Variants in BRINP1 observed in about 807,000 individuals in gnomAD.
BRINP1 encodes the protein BMP/retinoic acid inducible neural specific 1.
BRINP1 carries 17 observed loss-of-function variants against 72.9 expected under a neutral mutation model. The ratio of observed to expected loss-of-function variants is 0.23; its 90% CI spans 0.16 to 0.35. The LOEUF (loss-of-function observed/expected upper bound fraction) is 0.35. BRINP1 is among the 10% of genes least tolerant of loss of function. The pLI, the probability that BRINP1 is intolerant of heterozygous loss-of-function variation, is 1.00. For missense variants in BRINP1, 850 were observed against 1,001.6 expected (o/e 0.85, Z 2.04); for synonymous variants, 418 against 378.5 (o/e 1.10, Z -1.21).
intron 7 of BRINP1, among the ~76,000 whole-genome samples, chr9:119,188,034 A>T (rs1174569767): frequency 6.6e-6 from 1 of 152,232 alleles, no homozygotes; most frequent in African/African-American, 2.4e-5. Flanking sequence ...AAATTGGATA[A>T]ATTAAAAAGA....
At chr9:119,263,897 A>G (rs990659907) in intron 2 of BRINP1, among the ~76,000 whole-genome samples, 22 of 152,184 alleles carry the variant, frequency 1.4e-4, no homozygotes, top group Admixed American at 3.3e-4. Flanking sequence ...CGTGAGCCAC[A>G]GCGCCCGGCC....
At chr9:119,287,376 G>A (rs188729273) in intron 2 of BRINP1, among the ~76,000 whole-genome samples, 1 of 152,262 alleles carries the variant, frequency 6.6e-6, no homozygotes, top group Non-Finnish European at 1.5e-5. Context: ...TTGAATCCCA[G>A]TGCTTCTCAT....
intron 1 of BRINP1, among the ~76,000 whole-genome samples, chr9:119,317,949 T>C (rs1185199509): frequency 6.6e-6 from 1 of 152,236 alleles, no homozygotes; most frequent in Non-Finnish European, 1.5e-5. Flanking sequence ...CAGGATACTG[T>C]AAACATAAGT....
intron 2 of BRINP1, among the ~76,000 whole-genome samples, chr9:119,311,975 C>T (rs1831073328): frequency 6.6e-6 from 1 of 152,104 alleles, no homozygotes; most frequent in Non-Finnish European, 1.5e-5. Flanking sequence ...CTGATTTTCC[C>T]ATCTGTAGAA....
intron 1 of BRINP1, among the ~76,000 whole-genome samples, chr9:119,346,307 C>G (rs915494347): frequency 6.6e-6 from 1 of 152,042 alleles, no homozygotes; most frequent in African/African-American, 2.4e-5. Flanking sequence ...CTGTTTGATC[C>G]ATAACATCAA....
At chr9:119,242,537 A>T (rs1830263910) in intron 3 of BRINP1, among the ~76,000 whole-genome samples, 1 of 152,206 alleles carries the variant, frequency 6.6e-6, no homozygotes, top group African/African-American at 2.4e-5. Flanking sequence ...TCTCTTCTAT[A>T]CAATGGCAAA....
At chr9:119,186,241 C>A (rs1000832594) in intron 7 of BRINP1, among the ~76,000 whole-genome samples, 1 of 152,182 alleles carries the variant, frequency 6.6e-6, no homozygotes, top group Non-Finnish European at 1.5e-5. Context: ...CCTGTTGCCC[C>A]ACCCCCAGGG....
intron 3 of BRINP1, among the ~76,000 whole-genome samples, chr9:119,245,855 T>C (rs1418384665): frequency 6.6e-6 from 1 of 152,166 alleles, no homozygotes; most frequent in African/African-American, 2.4e-5. Context: ...ATAAAATTAT[T>C]TGCACCTCCT....
chr9:119,194,857 T>C (rs1829719132), intron 7 of BRINP1, among the ~76,000 whole-genome samples: 2 of 152,178 alleles, frequency 1.3e-5, no homozygotes, highest in Admixed American at 6.6e-5. Context: ...GACCCAGCTA[T>C]ACCATACCTA....
intron 6 of BRINP1, 106 bp downstream of exon 6, chr9:119,213,813 G>T (rs1829952193): frequency 1.1e-6 from 1 of 949,300 alleles, no homozygotes. Flanking sequence ...AAAGGGTCAG[G>T]GTCACTGAAC....
intron 1 of BRINP1, among the ~76,000 whole-genome samples, chr9:119,362,729 A>T (rs1173320788): frequency 6.6e-6 from 1 of 151,972 alleles, no homozygotes. Context: ...TCTCCTCCTC[A>T]CTTTACACTG....
chr9:119,234,647 C>CT (rs893234519), intron 5 of BRINP1, among the ~76,000 whole-genome samples: 1 of 151,734 alleles, frequency 6.6e-6, no homozygotes, highest in African/African-American at 2.4e-5. Flanking sequence ...ATTTATTAGC[C>CT]TTTTTTTCTT....
chr9:119,316,405 G>A (rs1831125344), intron 1 of BRINP1, among the ~76,000 whole-genome samples: 1 of 152,174 alleles, frequency 6.6e-6, no homozygotes, highest in Non-Finnish European at 1.5e-5. Context: ...TATTTTCAAT[G>A]TATACAAAAT....
intron 2 of BRINP1, among the ~76,000 whole-genome samples, chr9:119,289,621 C>T (rs1049250942): frequency 6.6e-6 from 1 of 152,302 alleles, no homozygotes; most frequent in African/African-American, 2.4e-5. Flanking sequence ...TTCTATTAAT[C>T]TGAGAAATAT....
In BRINP1 at chr9:119,310,234, C is replaced by T. The variant is rs776429453; in HGVS notation, c.218+2904G>A. 3.3e-5 allele frequency among the ~76,000 whole-genome samples: 5 copies of T among 152,262 alleles called. No homozygotes were observed. In the South Asian group the frequency reaches 8.3e-4, roughly 25 times the overall value. On this transcript the variant is annotated intron_variant, in intron 2 of 7. Coordinates refer to ENST00000265922, the MANE Select transcript of BRINP1 (RefSeq NM_014618.3). ...GAGACAGGGGAGCTGGGTCAGCACC[C>T]GAGTTCCCTGACTCCGAGGTCAAAA...
chr9:119,319,179 A>C (rs987080650), intron 1 of BRINP1, among the ~76,000 whole-genome samples: 1 of 152,022 alleles, frequency 6.6e-6, no homozygotes, highest in Non-Finnish European at 1.5e-5. Flanking sequence ...TGAGTGGCAA[A>C]TTGGGCTAGA....
chr9:119,341,870 T>C (rs775440856), intron 1 of BRINP1, among the ~76,000 whole-genome samples: 29 of 152,146 alleles, frequency 1.9e-4, no homozygotes, highest in Non-Finnish European at 4.0e-4. Context: ...TTCAAGCGAT[T>C]CTACTGACTC....
intron 2 of BRINP1, among the ~76,000 whole-genome samples, chr9:119,311,579 TGCTGA>T (rs1280299632): frequency 6.6e-6 from 1 of 152,174 alleles, no homozygotes; most frequent in Non-Finnish European, 1.5e-5. Flanking sequence ...GGTTGAAAAC[TGCTGA>T]TCTACCTCAG....
intron 2 of BRINP1, among the ~76,000 whole-genome samples, chr9:119,264,977 G>C (rs1366035617): frequency 2.0e-5 from 3 of 152,132 alleles, no homozygotes; most frequent in Non-Finnish European, 4.4e-5. Flanking sequence ...AGCCAGCCCT[G>C]ATATCTAAAC....
Sources: allele counts gnomAD v4.1 joint callset (sites outside exome capture counted in the v4.1 genomes callset), GRCh38; gene constraint gnomAD v4.1.1; transcripts MANE v1.5; gene names NCBI Gene and HGNC (gene_info 2026-07-23, HGNC 2026-07-21).